The following SMCHD1 variants were observed in gnomAD, a reference collection of about 807,000 sequenced individuals.
SMCHD1 encodes the protein structural maintenance of chromosomes flexible hinge domain-containing protein 1.
In SMCHD1, 78 loss-of-function variants were observed where a neutral mutation model predicts 254.7. That is an observed-to-expected ratio of 0.31 (90% CI 0.26 to 0.37). SMCHD1 has a LOEUF of 0.37. SMCHD1 is among the 10% of genes least tolerant of loss of function. SMCHD1 has a pLI of 1.00. For missense variants in SMCHD1, 1,840 were observed against 2,408.1 expected, an observed-to-expected ratio of 0.76 and a Z score of 4.94; for synonymous variants, 766 against 794.9, an observed-to-expected ratio of 0.96 and a Z score of 0.61.
At chr18:2,731,871 C>T (rs1209760194) in intron 24 of SMCHD1, among the ~76,000 whole-genome samples, 3 of 152,188 alleles carry the variant, frequency 2.0e-5, no homozygotes, top group East Asian at 3.9e-4. Flanking sequence ...ATTATCCATG[C>T]ATGGTGGTAG....
intron 24 of SMCHD1, among the ~76,000 whole-genome samples, chr18:2,731,349 T>C (rs1401792950): frequency 6.6e-6 from 1 of 152,240 alleles, no homozygotes; most frequent in Non-Finnish European, 1.5e-5. Context: ...TATTTTAATT[T>C]TGTGTGCCTA....
At chr18:2,675,904 T>C (rs1339142389) in intron 5 of SMCHD1, among the ~76,000 whole-genome samples, 1 of 152,196 alleles carries the variant, frequency 6.6e-6, no homozygotes, top group Non-Finnish European at 1.5e-5. Context: ...CTGGCAAAAA[T>C]CTTTTTGCTG....
rs1193322024 is a variant in SMCHD1, at chr18:2,719,217, G to A, written c.2458+783G>A. Among the ~76,000 whole-genome samples, 9 of 149,956 alleles carry A rather than the reference G, an allele frequency of 6.0e-5. No individual in the cohort carries two copies. In the Admixed American group the frequency reaches 6.0e-4, roughly 10 times the overall value. ...TTCTTTTTCTCTCCTTTTCTTTTCT[G>A]TTCCTTTCCTTTCTTTTCTTTTCTT... On this transcript the variant is annotated intron_variant, in intron 19 of 47. Coordinates refer to ENST00000320876, the MANE Select transcript of SMCHD1 (RefSeq NM_015295.3).
At chr18:2,661,417 G>C (rs542926432) in intron 1 of SMCHD1, among the ~76,000 whole-genome samples, 1 of 150,236 alleles carries the variant, frequency 6.7e-6, no homozygotes, top group South Asian at 2.1e-4. Context: ...TTTTAATATG[G>C]ATTAGAAATC....
At chr18:2,698,539 T>C (rs535113068) in intron 10 of SMCHD1, among the ~76,000 whole-genome samples, 3 of 152,086 alleles carry the variant, frequency 2.0e-5, no homozygotes, top group Non-Finnish European at 4.4e-5. Context: ...TATTTATTTA[T>C]TTAAATTTTT....
intron 5 of SMCHD1, among the ~76,000 whole-genome samples, chr18:2,685,462 A>G (rs1003283102): frequency 6.6e-6 from 1 of 152,130 alleles, no homozygotes; most frequent in Non-Finnish European, 1.5e-5. Context: ...AATAACATAA[A>G]ATTTGCAGTT....
At chr18:2,746,723 A>G (rs923680679) in intron 29 of SMCHD1, among the ~76,000 whole-genome samples, 1 of 152,166 alleles carries the variant, frequency 6.6e-6, no homozygotes, top group African/African-American at 2.4e-5. Context: ...TTGTTAGAGG[A>G]GAGGTGATAA....
intron 14 of SMCHD1, 54 bp downstream of exon 14, chr18:2,705,861 T>A: frequency 3.6e-6 from 4 of 1,096,910 alleles, no homozygotes; most frequent in Non-Finnish European, 5.4e-6. Context: ...CACTTTTGCA[T>A]AATTGTTAAG....
chr18:2,747,482 T>C, intron 29 of SMCHD1, 40 bp from the exon 30 acceptor site: 1 of 1,541,566 alleles, frequency 6.5e-7, no homozygotes, highest in Non-Finnish European at 8.9e-7. Context: ...GTTTGGCCCA[T>C]ATATTTTAGT....
Position 2,678,211 on chromosome 18 carries a change from TTC to T in SMCHD1, c.638+4068_638+4069del, listed in dbSNP as rs1303106255. 8.5e-3 allele frequency among the ~76,000 whole-genome samples: 277 copies of T among 32,698 alleles called. 2 individuals are homozygous for T. The highest frequency in any genetic ancestry group is 0.038 in the Admixed American group (82 of 2,150). 21.5% of individuals were successfully genotyped at this position (32,698 alleles called of 152,430 possible). On this transcript the variant is annotated intron_variant, in intron 5 of 47. Transcript: ENST00000320876. ...GCATTTATACTGTCTTTTCTTTCTT[TTC>T]TTTCTTTCTTTTTCTTTCTTTCTTT...
At chr18:2,680,072 ACTCT>A (rs2073890014) in intron 5 of SMCHD1, among the ~76,000 whole-genome samples, 1 of 151,760 alleles carries the variant, frequency 6.6e-6, no homozygotes, top group Non-Finnish European at 1.5e-5. Context: ...CCCAACTGAT[ACTCT>A]CTGTTTGGTG....
intron 5 of SMCHD1, among the ~76,000 whole-genome samples, chr18:2,684,629 T>C (rs1185729490): frequency 1.3e-5 from 2 of 152,034 alleles, no homozygotes; most frequent in African/African-American, 4.8e-5. Context: ...TTACCATCTT[T>C]GTTAATTTTT....
chr18:2,761,127 T>C (rs932387035), intron 35 of SMCHD1, among the ~76,000 whole-genome samples: 1 of 152,212 alleles, frequency 6.6e-6, no homozygotes, highest in Non-Finnish European at 1.5e-5. Context: ...TGGATGTGGC[T>C]AGAGGCCATT....
At position 2,726,483 on chromosome 18, in the gene SMCHD1, TA is replaced by T; in HGVS notation, c.2736del (p.Glu913LysfsTer6). The stretch of plus-strand genomic sequence containing the variant: ...AATCTGAAGGTTACTCTGCCTGGCT[TA>T]AAAGAAGACTCACAGATTTTGAAAA... The part of the protein sequence containing the change: ...NYNLKVTLPG[L>X]KEDSQILKIR... On this transcript the variant is annotated frameshift_variant, in exon 22 of 48. Transcript: ENST00000320876. LOFTEE classifies it high-confidence loss of function. 1 of 1,508,036 alleles carries T rather than the reference TA, an allele frequency of 6.6e-7. No homozygotes were observed. The highest frequency in any genetic ancestry group is 2.0e-5 in the Admixed American group (1 of 49,496). 93.4% of individuals were successfully genotyped at this position (1,508,036 alleles called of 1,614,324 possible).
intron 12 of SMCHD1, among the ~76,000 whole-genome samples, chr18:2,703,299 ATT>A (rs1473842038): frequency 6.6e-6 from 1 of 152,080 alleles, no homozygotes; most frequent in Admixed American, 6.6e-5. Flanking sequence ...ACACAATGAG[ATT>A]TTTATCGTCC....
chr18:2,678,272 T>C (rs76293073), intron 5 of SMCHD1, among the ~76,000 whole-genome samples: 1,385 of 125,300 alleles, frequency 0.011, 19 homozygotes, highest in African/African-American at 0.036. Context: ...TCTCTCTCTC[T>C]CCCTCTCTCT....
chr18:2,753,731 G>T (rs563105624), intron 34 of SMCHD1, among the ~76,000 whole-genome samples: 1 of 151,994 alleles, frequency 6.6e-6, no homozygotes. Context: ...TTTATTTTGT[G>T]TGTGTGTGGA....
intron 34 of SMCHD1, among the ~76,000 whole-genome samples, chr18:2,758,964 A>G (rs1052610371): frequency 6.6e-6 from 1 of 152,120 alleles, no homozygotes; most frequent in Non-Finnish European, 1.5e-5. Context: ...ACTTTGAACT[A>G]TCTTCAGTTA....
intron 29 of SMCHD1, among the ~76,000 whole-genome samples, chr18:2,745,336 A>C (rs1175957238): frequency 2.0e-5 from 3 of 152,208 alleles, no homozygotes; most frequent in Non-Finnish European, 4.4e-5. Context: ...TCTGTAAAAG[A>C]AAATGAAGTC....
Sources: gnomAD v4.1 joint callset for allele counts (sites outside exome capture counted in the v4.1 genomes callset) on GRCh38, gnomAD v4.1.1 for gene constraint, MANE v1.5 for transcripts, NCBI Gene and HGNC (gene_info 2026-07-23, HGNC 2026-07-21) for gene names.